Variants in LIG3 observed in about 807,000 individuals in gnomAD.
LIG3 encodes the protein ligase II, DNA, ATP-dependent.
A neutral mutation model predicts 110.9 loss-of-function variants in LIG3; 58 were observed. The observed-to-expected ratio is 0.52, with a 90% CI of 0.42 to 0.65. LIG3 has a LOEUF of 0.65. LIG3 is among the 30% of genes least tolerant of loss of function. LIG3 has a pLI of 0.00. For missense variants in LIG3, 1,094 were observed against 1,273.8 expected, an observed-to-expected ratio of 0.86 and a Z score of 2.15; for synonymous variants, 422 against 472.8, an observed-to-expected ratio of 0.89 and a Z score of 1.39.
intron 13 of LIG3, 42 bp downstream of exon 13, chr17:34,998,338 A>G (rs2090802123): frequency 6.5e-7 from 1 of 1,549,100 alleles, no homozygotes; most frequent in East Asian, 2.2e-5. Flanking sequence ...ACTCACTCGC[A>G]GCCCTCTCCC....
chr17:34,997,795 G>A lies in LIG3; in HGVS notation c.1881G>A (p.Arg627=). 1 of 1,614,134 alleles carries A rather than the reference G, an allele frequency of 6.2e-7. No homozygotes were observed. The highest frequency in any genetic ancestry group is 8.5e-7 in the Non-Finnish European group (1 of 1,179,990). The change falls in exon 12 of 20, where the codon CGG becomes CGA. Residue 627 remains arginine (R), a synonymous_variant. Coordinates refer to ENST00000378526, the MANE Select transcript of LIG3 (RefSeq NM_013975.4). ...LHDNMVEIPN[R]IMFSEMKRVT... ...ACAACATGGTTGAAATTCCAAACCG[G>A]ATCATGTTCTCAGAAATGAAGCGAG...
rs748140129 is a variant in LIG3, at chr17:34,991,041, A to G, written c.968A>G (p.Asp323Gly). 1 of 1,614,186 alleles carries G rather than the reference A, an allele frequency of 6.2e-7. No individual in the cohort carries two copies. Among genetic ancestry groups the G allele is most frequent in the South Asian group, 1.1e-5 (1 of 91,084 alleles). ...GVIKTVYNLN[D>G]KQIVKLFSRI... Reference sequence around the variant, plus strand: ...ATTAAGACTGTTTACAACTTGAACGATAAGCAGATTGTGAAGCTTTTCAGT... The same window carrying G: ...ATTAAGACTGTTTACAACTTGAACGGTAAGCAGATTGTGAAGCTTTTCAGT... The change falls in exon 5 of 20, where the codon GAT (aspartate) becomes GGT (glycine). Residue 323 changes from aspartate to glycine, a missense_variant. Asp to Gly is a moderately conservative substitution (Grantham distance 94). Coordinates refer to ENST00000378526, the MANE Select transcript of LIG3 (RefSeq NM_013975.4).
In LIG3 at chr17:35,009,181, G is replaced by C. The variant is rs2090918443; in HGVS notation, c.*4675G>C. On this transcript the variant is annotated 3_prime_UTR_variant, in exon 20 of 20. Coordinates refer to ENST00000378526, the MANE Select transcript of LIG3 (RefSeq NM_013975.4). Reference sequence around the variant, plus strand: ...CTGTAACAAAATAATACACATTTGGGTTTGCTTTAACCTCCAAGTAAGTCT... The same window carrying C: ...CTGTAACAAAATAATACACATTTGGCTTTGCTTTAACCTCCAAGTAAGTCT... 6.6e-6 allele frequency: 1 copy of C among 152,584 alleles called. No individual in the cohort carries two copies. Among genetic ancestry groups the C allele is most frequent in the South Asian group, 2.1e-4 (1 of 4,830 alleles). The allele number at this position is 152,584 out of a possible 1,614,324, so 9.5% of individuals were successfully genotyped here.
intron 14 of LIG3, 74 bp downstream of exon 14, chr17:34,998,801 A>C (rs916274826): frequency 1.3e-6 from 2 of 1,533,272 alleles, no homozygotes; most frequent in African/African-American, 2.8e-5. Context: ...TGGCCTTGTT[A>C]CTGGCTTGAT....
Position 35,007,377 on chromosome 17 carries a change from C to G in LIG3, c.*2871C>G, listed in dbSNP as rs527304466. The G allele has an allele frequency of 6.0e-4, 92 of 152,270 alleles. No homozygotes were observed. The highest frequency in any genetic ancestry group is 2.1e-3 in the African/African-American group (88 of 41,546). The allele number at this position is 152,270 out of a possible 1,614,324, so 9.4% of individuals were successfully genotyped here. ...TTTGTATCCTTTCATGTATTTCTTT[C>G]ATGTATTTCAATGCAGCCCTCAACA... On this transcript the variant is annotated 3_prime_UTR_variant, in exon 20 of 20. Coordinates refer to ENST00000378526, the MANE Select transcript of LIG3 (RefSeq NM_013975.4).
chr17:34,983,561 G>T lies in LIG3; in HGVS notation c.547+9G>T. The T allele has an allele frequency of 6.2e-7, 1 of 1,606,348 alleles. No homozygotes were observed. Among genetic ancestry groups the T allele is most frequent in the South Asian group, 1.1e-5 (1 of 90,126 alleles). ...AACCCAGCACATTGCAGGTAAGGTA[G>T]AGAACACTGCTTTCTCATCTTACTG... is the stretch of plus-strand genomic sequence containing the variant. On this transcript the variant is annotated intron_variant, in intron 2 of 19. Coordinates refer to ENST00000378526, the MANE Select transcript of LIG3 (RefSeq NM_013975.4).
chr17:35,004,451 C>A lies in LIG3; in HGVS notation c.2975C>A (p.Ser992Tyr), dbSNP rs759662601. 2.5e-6 allele frequency: 4 copies of A among 1,614,038 alleles called. No individual in the cohort carries two copies. The highest frequency in any genetic ancestry group is 1.7e-5 in the Admixed American group (1 of 59,998). The change falls in exon 20 of 20, where the codon TCC becomes TAC. Residue 992 changes from serine (S) to tyrosine (Y), a missense_variant. Physicochemically the swap from Ser to Tyr is moderately radical, Grantham distance 144. Transcript: ENST00000378526. The stretch of plus-strand genomic sequence containing the variant: ...AAGAACCCTGCGGCCCAGCAGGTCT[C>A]CCCAGAGTGGATTTGGGCATGTATC... ...RDKNPAAQQV[S>Y]PEWIWACIRK...
At chr17:34,999,744 G>T in intron 15 of LIG3, 38 bp from the exon 16 acceptor site, 1 of 1,553,666 alleles carries the variant, frequency 6.4e-7, no homozygotes, top group Non-Finnish European at 8.9e-7. Context: ...CTTGTTCCAG[G>T]TTGGGAACAG....
Position 35,001,381 on chromosome 17 carries a change from C to T in LIG3, c.2456C>T (p.Ala819Val). ...CGAGATGATAAGGACTGGAAATCTG[C>T]CACTAACCTTCCCCAACTCAAGGTA... Reference protein sequence around the residue: ...RIRDDKDWKSATNLPQLKELY... With the variant: ...RIRDDKDWKSVTNLPQLKELY... Residue 819 changes from alanine to valine, a missense_variant, in exon 17 of 20, where the codon GCC becomes GTC. Coordinates refer to ENST00000378526, the MANE Select transcript of LIG3 (RefSeq NM_013975.4). 1 of 1,614,170 alleles carries T rather than the reference C, an allele frequency of 6.2e-7. No individual in the cohort carries two copies. The highest frequency in any genetic ancestry group is 1.1e-5 in the South Asian group (1 of 91,078).
intron 4 of LIG3, 123 bp from the exon 5 acceptor site, chr17:34,990,840 T>G: frequency 1.2e-6 from 1 of 829,548 alleles, no homozygotes; most frequent in Non-Finnish European, 1.9e-6. Flanking sequence ...TAAGCAATTC[T>G]CCTGCTTCGG....
Position 35,001,996 on chromosome 17 carries a change from G to A in LIG3, c.2566G>A (p.Glu856Lys). 1 of 1,613,078 alleles carries A rather than the reference G, an allele frequency of 6.2e-7. No individual in the cohort carries two copies. The highest frequency in any genetic ancestry group is 1.1e-5 in the South Asian group (1 of 90,830). The change falls in exon 18 of 20, where the codon GAG (glutamate) becomes AAG (lysine). Residue 856 changes from glutamate to lysine, a missense_variant. Transcript: ENST00000378526. ...CTCCACTACAGGGGGTAGCAGTGAAGAGAATAAGGGTCCCTCAGGGTCTGC... is the reference window on the plus strand; with the variant it reads ...CTCCACTACAGGGGGTAGCAGTGAAAAGAATAAGGGTCCCTCAGGGTCTGC... ...GSSTTGGSSE[E>K]NKGPSGSAVS...
At chr17:34,997,162 A>C (rs1431401051) in intron 11 of LIG3, 8 of 165,142 alleles carry the variant, frequency 4.8e-5, no homozygotes, top group Non-Finnish European at 9.4e-5. Flanking sequence ...GAGAATTAGC[A>C]GTCTTGACTT....
At chr17:34,993,320 C>CT (rs35406467) in intron 8 of LIG3, among the ~76,000 whole-genome samples, 1 of 152,116 alleles carries the variant, frequency 6.6e-6, no homozygotes, top group Non-Finnish European at 1.5e-5. Flanking sequence ...ATGTACAGTG[C>CT]TTTTTTTGAA....
chr17:35,001,429 A>G, intron 17 of LIG3, 26 bp downstream of exon 17: 1 of 1,609,354 alleles, frequency 6.2e-7, no homozygotes, highest in Non-Finnish European at 8.5e-7. Flanking sequence ...CTGTATATGT[A>G]TTCTCCACCC....
At chr17:34,994,957 C>T (rs2090762968) in intron 9 of LIG3, among the ~76,000 whole-genome samples, 1 of 152,074 alleles carries the variant, frequency 6.6e-6, no homozygotes, top group African/African-American at 2.4e-5. Flanking sequence ...CATCTAGGAG[C>T]CTAGATTCCT....
chr17:34,995,693 G>T (rs565845678), intron 9 of LIG3, among the ~76,000 whole-genome samples: 1 of 152,042 alleles, frequency 6.6e-6, no homozygotes, highest in Non-Finnish European at 1.5e-5. Flanking sequence ...CCCTAATCCA[G>T]TCCCCAGCCT....
In LIG3 at chr17:34,998,682, G is replaced by A; in HGVS notation, c.2068G>A (p.Ala690Thr). 1 of 1,614,176 alleles carries A rather than the reference G, an allele frequency of 6.2e-7. No individual in the cohort carries two copies. The highest frequency in any genetic ancestry group is 8.5e-7 in the Non-Finnish European group (1 of 1,180,014). ...GAACGAGGGGGCCATGGCCGACACA[G>A]CTGACCTGGTGGTCCTTGGAGCCTT... ...YLNEGAMADT[A>T]DLVVLGAFYG... Residue 690 changes from alanine (A) to threonine (T), a missense_variant, in exon 14 of 20, where the codon GCT becomes ACT. By Grantham distance (58) the Ala-to-Thr change is moderately conservative. Transcript: ENST00000378526.
intron 4 of LIG3, 66 bp from the exon 5 acceptor site, chr17:34,990,897 T>G: frequency 6.5e-7 from 1 of 1,533,296 alleles, no homozygotes. Context: ...TTGCCCAGCC[T>G]TCTTTGAGTT....
rs936215567 is a variant in LIG3 at position 35,006,590 on chromosome 17, G to C, written c.*2084G>C. ...GTGTGCATGTCCAGACCCTACCCGG[G>C]AGAAGGGCCTAACCTATGACTTTAG... On this transcript the variant is annotated 3_prime_UTR_variant, in exon 20 of 20. Transcript: ENST00000378526. The C allele has an allele frequency of 2.0e-5, 3 of 152,168 alleles. No homozygotes were observed. The allele number at this position is 152,168 out of a possible 1,614,324, so 9.4% of individuals were successfully genotyped here.
Sources: allele counts gnomAD v4.1 joint callset (sites outside exome capture counted in the v4.1 genomes callset), GRCh38; gene constraint gnomAD v4.1.1; transcripts MANE v1.5; gene names NCBI Gene and HGNC (gene_info 2026-07-23, HGNC 2026-07-21).